Variants in CNBD1 observed in about 807,000 individuals in gnomAD.
CNBD1 encodes cyclic nucleotide binding domain containing 1.
CNBD1 carries 71 observed loss-of-function variants against 54.4 expected under a neutral mutation model. The observed-to-expected ratio is 1.30, with a 90% CI of 1.08 to 1.59. The LOEUF is 1.59. Ranked by LOEUF, CNBD1 falls within the 40% of genes most tolerant of loss-of-function variation. The probability of loss-of-function intolerance (pLI) is 0.00; values close to 1 mark genes in which losing one functional copy is unlikely to be tolerated. For missense variants in CNBD1, 659 were observed against 518.0 expected, an observed-to-expected ratio of 1.27 and a Z score of -2.64; for synonymous variants, 182 against 170.7, an observed-to-expected ratio of 1.07 and a Z score of -0.51.
At chr8:86,972,141 G>A (rs896161159) in intron 4 of CNBD1, among the ~76,000 whole-genome samples, 2 of 151,836 alleles carry the variant, frequency 1.3e-5, no homozygotes, top group African/African-American at 2.4e-5. Flanking sequence ...TAGTAGAGAC[G>A]GGGTTTCACC....
intron 2 of CNBD1, among the ~76,000 whole-genome samples, chr8:87,419,771 T>A (rs919501691): frequency 7.9e-5 from 12 of 151,696 alleles, no homozygotes; most frequent in Admixed American, 7.2e-4. Context: ...AAGTATGAAT[T>A]CCTGTGAATT....
chr8:87,277,523 A>G (rs1473098399), intron 6 of CNBD1, among the ~76,000 whole-genome samples: 1 of 151,778 alleles, frequency 6.6e-6, no homozygotes, highest in East Asian at 1.9e-4. Context: ...AATTTGAGTA[A>G]TATGTAGCTA....
intron 4 of CNBD1, among the ~76,000 whole-genome samples, chr8:87,125,334 G>A (rs1201452652): frequency 6.6e-6 from 1 of 151,578 alleles, no homozygotes; most frequent in Non-Finnish European, 1.5e-5. Context: ...ACAATCTTGA[G>A]CAAAAAGAAC....
chr8:87,344,978 TCTC>T (rs1445608934), intron 8 of CNBD1, among the ~76,000 whole-genome samples: 2 of 152,082 alleles, frequency 1.3e-5, no homozygotes, highest in Admixed American at 1.3e-4. Context: ...CATAGAAACT[TCTC>T]CTTTTGACAC....
At chr8:87,384,763 A>T (rs1174555642), downstream of CNBD1, among the ~76,000 whole-genome samples, 2 of 152,166 alleles carry the variant, frequency 1.3e-5, no homozygotes, top group Non-Finnish European at 2.9e-5. Flanking sequence ...GACCTGAAGG[A>T]AGTGAAAGGT....
chr8:87,075,352 C>T lies in CNBD1; in HGVS notation c.432-130641C>T, dbSNP rs555407831. Among the ~76,000 whole-genome samples the T allele has an allele frequency of 4.6e-5, 7 of 152,172 alleles. 1 individual carries two copies. Among genetic ancestry groups the T allele is most frequent in the East Asian group, 3.9e-4 (2 of 5,166 alleles). ...ATAGTTTTTTTCTAAACAAAGAAAT[C>T]GATCCCACTGGTCTTAAAGCTCAAA... On this transcript the variant is annotated intron_variant, in intron 4 of 10. Coordinates refer to ENST00000518476, the MANE Select transcript of CNBD1 (RefSeq NM_173538.3).
At chr8:87,143,150 G>C (rs952521785) in intron 4 of CNBD1, among the ~76,000 whole-genome samples, 3 of 152,144 alleles carry the variant, frequency 2.0e-5, no homozygotes, top group African/African-American at 7.2e-5. Flanking sequence ...CAACTCAATT[G>C]AATTACAGCA....
chr8:87,224,723 C>T lies in CNBD1; in HGVS notation c.578-12196C>T, dbSNP rs369576982. ...TTGGCTCAGGATTGACTTGGCGATG[C>T]GGGCTCTTTTTTGGTTCCATATGAA... On this transcript the variant is annotated intron_variant, in intron 5 of 10. Coordinates refer to ENST00000518476, the MANE Select transcript of CNBD1 (RefSeq NM_173538.3). 3.7e-3 allele frequency among the ~76,000 whole-genome samples: 558 copies of T among 150,744 alleles called. 18 individuals carry two copies. Among genetic ancestry groups the T allele is most frequent in the Admixed American group, 0.03 (449 of 15,152 alleles).
At chr8:87,092,503 ATG>A (rs71943371) in intron 4 of CNBD1, among the ~76,000 whole-genome samples, 8,145 of 142,660 alleles carry the variant, frequency 0.057, 309 homozygotes, top group African/African-American at 0.1. Flanking sequence ...GTGTATATAT[ATG>A]TGTGTGTGTG....
intron 1 of CNBD1, among the ~76,000 whole-genome samples, chr8:86,873,043 A>G (rs183715325): frequency 6.6e-6 from 1 of 151,264 alleles, no homozygotes; most frequent in Admixed American, 6.6e-5. Flanking sequence ...ATGCTACTGC[A>G]CTCCAGCCTG....
chr8:86,912,904 G>T (rs139391511), intron 3 of CNBD1, among the ~76,000 whole-genome samples: 398 of 152,060 alleles, frequency 2.6e-3, no homozygotes, highest in African/African-American at 8.8e-3. Flanking sequence ...GCTAATGTTT[G>T]TAATTGTGTA....
chr8:87,232,485 T>C (rs2130821990), intron 5 of CNBD1, among the ~76,000 whole-genome samples: 1 of 152,280 alleles, frequency 6.6e-6, no homozygotes, highest in Non-Finnish European at 1.5e-5. Context: ...CTCTTCTGTT[T>C]CCAAATAAAT....
chr8:87,359,138 A>G (rs1393252329), intron 10 of CNBD1, among the ~76,000 whole-genome samples: 1 of 152,198 alleles, frequency 6.6e-6, no homozygotes, highest in African/African-American at 2.4e-5. Flanking sequence ...TAGTCACTTA[A>G]TAGAATCTCC....
intron 8 of CNBD1, among the ~76,000 whole-genome samples, chr8:87,297,662 C>T (rs948160635): frequency 6.6e-6 from 1 of 151,840 alleles, no homozygotes; most frequent in Non-Finnish European, 1.5e-5. Flanking sequence ...CTTAATTTGT[C>T]TGTAATCACA....
chr8:86,957,161 C>G (rs1192113646), intron 4 of CNBD1, among the ~76,000 whole-genome samples: 1 of 152,232 alleles, frequency 6.6e-6, no homozygotes, highest in Non-Finnish European at 1.5e-5. Flanking sequence ...ACTAGCCTTG[C>G]ATCCCAGGGA....
chr8:87,398,166 G>A (rs2130975094), intron 2 of CNBD1, among the ~76,000 whole-genome samples: 1 of 117,614 alleles, frequency 8.5e-6, no homozygotes, highest in East Asian at 2.1e-4. Context: ...ACACCTTTTT[G>A]CAAGGGTTCT....
chr8:87,411,934 A>G lies in CNBD1; in HGVS notation c.214-16612A>G, dbSNP rs1196083072. Among the ~76,000 whole-genome samples, 19 of 151,986 alleles carry G rather than the reference A, an allele frequency of 1.3e-4. No homozygotes were observed. The Admixed American group carries it at 1.3e-3, about 10-fold the overall frequency. On this transcript the variant is annotated intron_variant, in intron 2 of 7. Coordinates refer to the CNBD1 transcript ENST00000521593. ...ATTTGTTTAAAAAAGTTTTGCTTGT[A>G]CGGGAGAAGTGTTTGACATAGCTTT...
chr8:87,297,345 C>A (rs1326676027), intron 8 of CNBD1, among the ~76,000 whole-genome samples: 1 of 152,036 alleles, frequency 6.6e-6, no homozygotes. Flanking sequence ...TACAGCGTAT[C>A]TCTATTTGAT....
intron 6 of CNBD1, among the ~76,000 whole-genome samples, chr8:87,257,850 A>C (rs1358708451): frequency 1.3e-5 from 2 of 152,110 alleles, no homozygotes; most frequent in Non-Finnish European, 2.9e-5. Context: ...TATTTAATTA[A>C]TTTTTGTTCT....
Sources: gnomAD v4.1 joint callset for allele counts (sites outside exome capture counted in the v4.1 genomes callset) on GRCh38, gnomAD v4.1.1 for gene constraint, MANE v1.5 for transcripts, NCBI Gene and HGNC (gene_info 2026-07-23, HGNC 2026-07-21) for gene names.